The following KCNIP1 variants were observed in gnomAD, a reference collection of about 807,000 sequenced individuals.
The protein encoded by KCNIP1 is A-type potassium channel modulatory protein KCNIP1.
In KCNIP1, 18 loss-of-function variants were observed where a neutral mutation model predicts 33.0. The observed-to-expected ratio is 0.55, with a 90% CI of 0.38 to 0.81. KCNIP1 has a LOEUF of 0.81. Among genes scored for constraint, KCNIP1 ranks in the 30% least tolerant of loss-of-function variants. The pLI, the probability that KCNIP1 is intolerant of heterozygous loss-of-function variation, is 0.00. For synonymous variants in KCNIP1, 93 were observed against 98.3 expected (o/e 0.95, Z 0.32); for missense variants, 238 against 271.6 (o/e 0.88, Z 0.87).
At chr5:170,509,471 G>T (rs546601337) in intron 1 of KCNIP1, among the ~76,000 whole-genome samples, 2 of 152,370 alleles carry the variant, frequency 1.3e-5, no homozygotes, top group South Asian at 4.1e-4. Flanking sequence ...CTCTTTGTCT[G>T]CCTGGAAGGG....
chr5:170,439,362 G>A (rs770432736), intron 1 of KCNIP1, among the ~76,000 whole-genome samples: 1 of 152,208 alleles, frequency 6.6e-6, no homozygotes, highest in Non-Finnish European at 1.5e-5. Context: ...TGGCAGGCAG[G>A]CAGGCACAAG....
In KCNIP1 at chr5:170,551,893, CGA is replaced by C. The variant is rs1162846600; in HGVS notation, c.61+47262_61+47263del. On this transcript the variant is annotated intron_variant, in intron 1 of 7. Coordinates refer to ENST00000328939, the MANE Select transcript of KCNIP1 (RefSeq NM_014592.4). ...GTGTGTGTGTGTATATGAATGTGTA[CGA>C]GTGTGTGAGTGTGTGTATGTATGAG... is the stretch of plus-strand genomic sequence containing the variant. Among the ~76,000 whole-genome samples, 11 of 150,602 alleles carry C rather than the reference CGA, an allele frequency of 7.3e-5. No homozygotes were observed. In the South Asian group the frequency reaches 1.1e-3, roughly 15 times the overall value.
intron 1 of KCNIP1, chr5:170,681,580 G>A (rs1762353859): frequency 6.5e-6 from 1 of 154,846 alleles, no homozygotes; most frequent in East Asian, 1.9e-4. Context: ...CTTTTTTAAA[G>A]AAGTTTAGGA....
intron 1 of KCNIP1, among the ~76,000 whole-genome samples, chr5:170,573,032 G>A (rs1757475795): frequency 6.6e-6 from 1 of 152,244 alleles, no homozygotes; most frequent in Non-Finnish European, 1.5e-5. Context: ...GCCCAAGGCT[G>A]CTAAGCAGCA....
chr5:170,694,342 A>T (rs1762821689), intron 1 of KCNIP1, among the ~76,000 whole-genome samples: 1 of 152,216 alleles, frequency 6.6e-6, no homozygotes, highest in Non-Finnish European at 1.5e-5. Flanking sequence ...ATTATCCTAT[A>T]AAGAGACATT....
At chr5:170,386,081 C>T (rs1426542379) in intron 1 of KCNIP1, among the ~76,000 whole-genome samples, 7 of 150,668 alleles carry the variant, frequency 4.6e-5, no homozygotes, top group East Asian at 1.9e-4. Flanking sequence ...AGCAGAGATG[C>T]GCCACTGCAC....
chr5:170,474,486 G>C (rs1756806226), intron 1 of KCNIP1, among the ~76,000 whole-genome samples: 1 of 152,178 alleles, frequency 6.6e-6, no homozygotes, highest in Non-Finnish European at 1.5e-5. Flanking sequence ...GAAGTGTGGG[G>C]GTTAACCACC....
intron 1 of KCNIP1, chr5:170,378,714 G>T (rs777518195): frequency 1.4e-5 from 23 of 1,610,564 alleles, no homozygotes; most frequent in Non-Finnish European, 2.0e-5. Flanking sequence ...CTACTTCTGG[G>T]CCGCCAGGAT....
intron 1 of KCNIP1, among the ~76,000 whole-genome samples, chr5:170,593,862 C>G (rs1488506077): frequency 3.9e-5 from 6 of 152,154 alleles, no homozygotes; most frequent in African/African-American, 1.4e-4. Context: ...CCCTTCCCAG[C>G]TATTACTGTA....
At chr5:170,687,456 G>T (rs987585813) in intron 1 of KCNIP1, among the ~76,000 whole-genome samples, 1 of 152,164 alleles carries the variant, frequency 6.6e-6, no homozygotes, top group African/African-American at 2.4e-5. Flanking sequence ...ATCACTGCTG[G>T]GATTACAGAA....
intron 1 of KCNIP1, among the ~76,000 whole-genome samples, chr5:170,594,826 T>A (rs1322251352): frequency 6.6e-6 from 1 of 152,212 alleles, no homozygotes; most frequent in East Asian, 1.9e-4. Flanking sequence ...ACAGTTTCTT[T>A]ATCTGTAAAT....
chr5:170,399,684 A>G (rs1239516090), intron 1 of KCNIP1, among the ~76,000 whole-genome samples: 2 of 152,274 alleles, frequency 1.3e-5, no homozygotes, highest in African/African-American at 4.8e-5. Context: ...TATTTTAAAT[A>G]GAAACACTTT....
intron 1 of KCNIP1, among the ~76,000 whole-genome samples, chr5:170,523,173 T>C (rs1451018972): frequency 6.6e-6 from 1 of 152,146 alleles, no homozygotes; most frequent in African/African-American, 2.4e-5. Context: ...CAGCTCCCCC[T>C]GCCCCACCCT....
At chr5:170,733,313 G>A (rs1248200507) in intron 6 of KCNIP1, among the ~76,000 whole-genome samples, 3 of 152,182 alleles carry the variant, frequency 2.0e-5, no homozygotes, top group African/African-American at 7.2e-5. Context: ...GGTACAGGAT[G>A]GGCAGCTAGT....
chr5:170,508,657 C>A (rs141993708), intron 1 of KCNIP1, among the ~76,000 whole-genome samples: 253 of 152,264 alleles, frequency 1.7e-3, no homozygotes, highest in African/African-American at 5.9e-3. Flanking sequence ...TGGTCTTTAC[C>A]CATCTTTGCA....
At chr5:170,578,460 A>G (rs1035297381) in intron 1 of KCNIP1, among the ~76,000 whole-genome samples, 2 of 151,878 alleles carry the variant, frequency 1.3e-5, no homozygotes, top group African/African-American at 4.8e-5. Context: ...GAACAGGCCT[A>G]TGGCCCTTGT....
chr5:170,426,496 A>G (rs1052249291), intron 1 of KCNIP1, among the ~76,000 whole-genome samples: 11 of 152,240 alleles, frequency 7.2e-5, no homozygotes, highest in African/African-American at 2.7e-4. Context: ...GATAAATCCT[A>G]GATCCAGCAG....
chr5:170,713,865 T>TA lies in KCNIP1; in HGVS notation c.62-4884dup, dbSNP rs568876672. Among the ~76,000 whole-genome samples the TA allele has an allele frequency of 5.1e-3, 761 of 150,626 alleles. 3 individuals are homozygous for TA. Among genetic ancestry groups the TA allele is most frequent in the Non-Finnish European group, 7.9e-3 (533 of 67,658 alleles). ...GGTGAAAACCCGTTTCTACTAAAAA[T>TA]AAAAAAAAATTAGCCGGGCATGGTG... On this transcript the variant is annotated intron_variant, in intron 1 of 7. Transcript: ENST00000328939.
chr5:170,453,699 T>C (rs962797424), intron 1 of KCNIP1, among the ~76,000 whole-genome samples: 5 of 152,180 alleles, frequency 3.3e-5, no homozygotes, highest in Non-Finnish European at 5.9e-5. Context: ...ATCATGTGGC[T>C]CCTTTATGAT....
Sources: gnomAD v4.1 joint callset for allele counts (sites outside exome capture counted in the v4.1 genomes callset) on GRCh38, gnomAD v4.1.1 for gene constraint, MANE v1.5 for transcripts, NCBI Gene and HGNC (gene_info 2026-07-23, HGNC 2026-07-21) for gene names.